The following TP53INP1 variants were observed in gnomAD, a reference collection of about 807,000 sequenced individuals.
TP53INP1 encodes tumor protein p53-inducible nuclear protein 1.
In TP53INP1, 12 loss-of-function variants were observed where a neutral mutation model predicts 21.0. The observed-to-expected ratio is 0.57, with a 90% CI of 0.37 to 0.93. The LOEUF is 0.93. Ranked by LOEUF, TP53INP1 falls within the 40% of genes least tolerant of loss-of-function variation. The pLI is 0.01. For synonymous variants in TP53INP1, 91 were observed against 94.8 expected (o/e 0.96, Z 0.23); for missense variants, 274 against 294.7 (o/e 0.93, Z 0.51).
chr8:94,940,794 T>C (rs1403473405), intron 2 of TP53INP1, 36 bp downstream of exon 2: 1 of 1,504,442 alleles, frequency 6.6e-7, no homozygotes, highest in Non-Finnish European at 9.2e-7. Context: ...ATTTTTACTG[T>C]GAAGATGAAC....
chr8:94,942,270 G>A (rs1821615325), intron 1 of TP53INP1, among the ~76,000 whole-genome samples: 1 of 151,910 alleles, frequency 6.6e-6, no homozygotes, highest in African/African-American at 2.4e-5. Context: ...TCGATCTCCT[G>A]ACCTCATGAT....
At chr8:94,945,856 C>T (rs1011237237) in intron 1 of TP53INP1, among the ~76,000 whole-genome samples, 1 of 152,128 alleles carries the variant, frequency 6.6e-6, no homozygotes, top group African/African-American at 2.4e-5. Context: ...GCAGTTTCCC[C>T]GACAAGAGAA....
intron 3 of TP53INP1, among the ~76,000 whole-genome samples, 191 bp from the exon 4 acceptor site, chr8:94,930,919 A>G (rs369585949): frequency 1.2e-4 from 18 of 152,244 alleles, no homozygotes; most frequent in African/African-American, 4.3e-4. Flanking sequence ...AGGAGAGCCA[A>G]CTGTTACTAG....
At chr8:94,930,796 C>T (rs1055175911) in intron 3 of TP53INP1, 68 bp from the exon 4 acceptor site, 25 of 1,534,010 alleles carry the variant, frequency 1.6e-5, no homozygotes, top group Admixed American at 6.0e-5. Context: ...GGAAAAGTTA[C>T]TTAGCAATTC....
Position 94,930,301 on chromosome 8 carries a change from C to A in TP53INP1, c.*178G>T. 2.6e-6 allele frequency: 2 copies of A among 775,336 alleles called. No homozygotes were observed. The highest frequency in any genetic ancestry group is 3.2e-5 in the Admixed American group (1 of 31,270). The allele number at this position is 775,336 out of a possible 1,614,324, so 48.0% of individuals were successfully genotyped here. A position where few individuals can be genotyped will look rare whatever the true frequency, so the allele number is the denominator to read the frequency against. On this transcript the variant is annotated 3_prime_UTR_variant, in exon 4 of 4. Coordinates refer to ENST00000342697, the MANE Select transcript of TP53INP1 (RefSeq NM_033285.4). ...AAAAAAGTAAATGTTAAAGGCAAGG[C>A]ATTATGTGATACACAGCATATAAAT...
At position 94,939,676 on chromosome 8, in the gene TP53INP1, G is replaced by A. The variant is rs573338471; in HGVS notation, c.473+184C>T. Reference sequence around the variant, plus strand: ...GCCTCCCAAAGTGCTGGGATTACAGGTGTGAGACACTGTGACTGGTCAACA... The same window carrying A: ...GCCTCCCAAAGTGCTGGGATTACAGATGTGAGACACTGTGACTGGTCAACA... On this transcript the variant is annotated intron_variant, in intron 3 of 3. Coordinates refer to ENST00000342697, the MANE Select transcript of TP53INP1 (RefSeq NM_033285.4). 15 of 803,244 alleles carry A rather than the reference G, an allele frequency of 1.9e-5. No homozygotes were observed. In the East Asian group the frequency reaches 4.5e-4, roughly 24 times the overall value. The allele number at this position is 803,244 out of a possible 1,614,324, so 49.8% of individuals were successfully genotyped here.
chr8:94,940,011 C>A lies in TP53INP1; in HGVS notation c.322G>T (p.Gly108Ter), dbSNP rs1183651387. The change falls in exon 3 of 4, where the codon GGA becomes TGA. Residue 108 changes from glycine (G) to a stop codon, truncating the protein, a stop_gained. Coordinates refer to ENST00000342697, the MANE Select transcript of TP53INP1 (RefSeq NM_033285.4). LOFTEE classifies it high-confidence loss of function. ...GTTTCCACCTTGATAGTGGTTAATC[C>A]ACCTGCAGTAAAACATGGGGGTGGG... ...ITPPPCFTAG[G>*]LTTIKVETSP... The A allele has an allele frequency of 6.2e-7, 1 of 1,614,030 alleles. No individual in the cohort carries two copies. The highest frequency in any genetic ancestry group is 1.3e-5 in the African/African-American group (1 of 74,920).
At position 94,930,627 on chromosome 8, in the gene TP53INP1, GA is replaced by G. The variant is rs1343338732; in HGVS notation, c.574del (p.Ser192ProfsTer4). The stretch of plus-strand genomic sequence containing the variant: ...TTCACTGTGTTCTTTTATCCACTGG[GA>G]AGGGCGAAAGCTCTTGGGTTGTTCC... ...FLEQPKSFRP[S>X]QWIKEHSERQ... On this transcript the variant is annotated frameshift_variant, in exon 4 of 4. Transcript: ENST00000342697. LOFTEE classifies it high-confidence loss of function. 1 of 1,614,214 alleles carries G rather than the reference GA, an allele frequency of 6.2e-7. No individual in the cohort carries two copies. The highest frequency in any genetic ancestry group is 1.3e-5 in the African/African-American group (1 of 75,054).
intron 1 of TP53INP1, among the ~76,000 whole-genome samples, chr8:94,948,749 G>A (rs1822247424): frequency 6.6e-6 from 1 of 152,196 alleles, no homozygotes; most frequent in Non-Finnish European, 1.5e-5. Flanking sequence ...GCCGAGAGCA[G>A]GCGGAGGAGG....
rs541541853 is a variant in TP53INP1, at chr8:94,928,194, A to T, written c.*2285T>A. On this transcript the variant is annotated 3_prime_UTR_variant, in exon 4 of 4. Coordinates refer to ENST00000342697, the MANE Select transcript of TP53INP1 (RefSeq NM_033285.4). ...TTTTGTTTTCTAGGTACAAAGCATA[A>T]AAAACTAGCCCCAGGTAAGGCAAAC... is the stretch of plus-strand genomic sequence containing the variant. 19 of 151,726 alleles carry T rather than the reference A, an allele frequency of 1.3e-4. No individual in the cohort carries two copies. The highest frequency in any genetic ancestry group is 4.6e-4 in the African/African-American group (19 of 41,420). The allele number at this position is 151,726 out of a possible 1,614,324, so 9.4% of individuals were successfully genotyped here.
At position 94,930,624 on chromosome 8, in the gene TP53INP1, T is replaced by C. The variant is rs148827655; in HGVS notation, c.578A>G (p.Gln193Arg). The stretch of plus-strand genomic sequence containing the variant: ...TCTTTCACTGTGTTCTTTTATCCAC[T>C]GGGAAGGGCGAAAGCTCTTGGGTTG... ...LEQPKSFRPS[Q>R]WIKEHSERQP... is the part of the protein sequence containing the mutation. The change falls in exon 4 of 4, where the codon CAG becomes CGG. Residue 193 changes from glutamine to arginine, a missense_variant. Coordinates refer to ENST00000342697, the MANE Select transcript of TP53INP1 (RefSeq NM_033285.4). The C allele has an allele frequency of 3.7e-6, 6 of 1,614,096 alleles. No individual in the cohort carries two copies. In the African/African-American group the frequency reaches 6.7e-5, roughly 18 times the overall value.
At chr8:94,946,401 C>T (rs1456432639) in intron 1 of TP53INP1, among the ~76,000 whole-genome samples, 3 of 151,880 alleles carry the variant, frequency 2.0e-5, no homozygotes, top group Non-Finnish European at 4.4e-5. Flanking sequence ...TATTGTGGTA[C>T]TTAAAGACTG....
At chr8:94,936,930 A>G (rs1821036691) in intron 3 of TP53INP1, among the ~76,000 whole-genome samples, 1 of 152,152 alleles carries the variant, frequency 6.6e-6, no homozygotes, top group African/African-American at 2.4e-5. Flanking sequence ...AAAGAGACAG[A>G]CTACTGATGA....
intron 1 of TP53INP1, among the ~76,000 whole-genome samples, chr8:94,945,811 T>C (rs1401949861): frequency 6.6e-6 from 1 of 152,226 alleles, no homozygotes; most frequent in East Asian, 1.9e-4. Flanking sequence ...AGTAGCGCTG[T>C]TGTTCTTTGA....
rs917033679 is a variant in TP53INP1 at position 94,929,675 on chromosome 8, G to C, written c.*804C>G. 1 of 152,194 alleles carries C rather than the reference G, an allele frequency of 6.6e-6. No individual in the cohort carries two copies. Among genetic ancestry groups the C allele is most frequent in the Non-Finnish European group, 1.5e-5 (1 of 68,040 alleles). 9.4% of individuals were successfully genotyped at this position (152,194 alleles called of 1,614,324 possible). ...GAGGTGAGGAGTGGACAGAATTGGCGGGAAGGAATAGTAACAAATTAAATA... is the reference window on the plus strand; with the variant it reads ...GAGGTGAGGAGTGGACAGAATTGGCCGGAAGGAATAGTAACAAATTAAATA... On this transcript the variant is annotated 3_prime_UTR_variant, in exon 4 of 4. Coordinates refer to ENST00000342697, the MANE Select transcript of TP53INP1 (RefSeq NM_033285.4).
intron 3 of TP53INP1, among the ~76,000 whole-genome samples, chr8:94,936,033 T>C (rs1820942133): frequency 6.6e-6 from 1 of 152,216 alleles, no homozygotes; most frequent in African/African-American, 2.4e-5. Flanking sequence ...GATAGTCTTA[T>C]GTGGAAGGGA....
rs373839020 is a variant in TP53INP1 at position 94,948,455 on chromosome 8, C to T, written c.-151+699G>A. 9.2e-5 allele frequency among the ~76,000 whole-genome samples: 14 copies of T among 152,328 alleles called. No homozygotes were observed. In the East Asian group the frequency reaches 2.5e-3, roughly 27 times the overall value. On this transcript the variant is annotated intron_variant, in intron 1 of 3. Coordinates refer to ENST00000342697, the MANE Select transcript of TP53INP1 (RefSeq NM_033285.4). Reference sequence around the variant, plus strand: ...TCTAAATGTTAAGGGCCAAGGAGAGCGCTCTTTCCACAGGTGCAAAGTCAG... The same window carrying T: ...TCTAAATGTTAAGGGCCAAGGAGAGTGCTCTTTCCACAGGTGCAAAGTCAG...
chr8:94,948,109 G>A (rs762433300), intron 1 of TP53INP1, among the ~76,000 whole-genome samples: 4 of 152,302 alleles, frequency 2.6e-5, no homozygotes, highest in Admixed American at 2.0e-4. Context: ...GGGAGTCACA[G>A]TTGTAAAGAG....
chr8:94,940,801 G>T, intron 2 of TP53INP1, 29 bp downstream of exon 2: 1 of 1,537,368 alleles, frequency 6.5e-7, no homozygotes, highest in South Asian at 1.2e-5. Context: ...CTGTGAAGAT[G>T]AACCACCAAG....
Sources: allele counts gnomAD v4.1 joint callset (sites outside exome capture counted in the v4.1 genomes callset), GRCh38; gene constraint gnomAD v4.1.1; transcripts MANE v1.5; gene names NCBI Gene and HGNC (gene_info 2026-07-23, HGNC 2026-07-21).